GARIN1A: variants seen among roughly 807,000 people sequenced by gnomAD.
GARIN1A encodes golgi associated RAB2 interactor 1A.
At chr7:128,678,581 A>G in the GARIN1A span, among the ~76,000 whole-genome samples, 1 of 152,056 alleles carries the variant, frequency 6.6e-6, no homozygotes, top group Admixed American at 6.6e-5. Flanking sequence ...AGGCAGGTGG[A>G]TCACCTCAGG....
the GARIN1A span, among the ~76,000 whole-genome samples, chr7:128,695,400 G>T: frequency 6.6e-6 from 1 of 152,184 alleles, no homozygotes; most frequent in Non-Finnish European, 1.5e-5. This position sits in a 1 kb window ranked among gnomAD's most constrained non-coding sequence, Gnocchi z 4.5. Context: ...TAAATTCAGT[G>T]CACGTTAGAG....
chr7:128,707,250 G>GTGTA, the GARIN1A span, among the ~76,000 whole-genome samples: 2 of 145,102 alleles, frequency 1.4e-5, no homozygotes, highest in African/African-American at 5.1e-5. Context: ...GTGTGTGTGT[G>GTGTA]AAGAATGTTC....
chr7:128,674,299 A>AT, the GARIN1A span, among the ~76,000 whole-genome samples: 7 of 151,904 alleles, frequency 4.6e-5, no homozygotes, highest in South Asian at 4.2e-4. Context: ...TTAAAAAAAA[A>AT]TTTTTGATAG....
chr7:128,704,126 C>T, the GARIN1A span, among the ~76,000 whole-genome samples: 1 of 142,264 alleles, frequency 7.0e-6, no homozygotes, highest in Non-Finnish European at 1.5e-5. Context: ...GGCTAAAGAC[C>T]AAAAGAAGTG....
At chr7:128,696,187 ATAT>A in the GARIN1A span, among the ~76,000 whole-genome samples, 1 of 151,562 alleles carries the variant, frequency 6.6e-6, no homozygotes, top group East Asian at 1.9e-4. Flanking sequence ...ATTTTTAAAA[ATAT>A]TATTATTTGT....
At chr7:128,687,493 C>G in the GARIN1A span, 1 of 152,204 alleles carries the variant, frequency 6.6e-6, no homozygotes, top group African/African-American at 2.4e-5. Context: ...AATGCTGCAG[C>G]AAGCTAGGTG....
chr7:128,679,998 C>A, the GARIN1A span: 1 of 1,391,424 alleles, frequency 7.2e-7, no homozygotes, highest in Non-Finnish European at 9.9e-7. Flanking sequence ...TCTGAGCAGA[C>A]CTAGCCATCT....
At chr7:128,675,981 T>G in the GARIN1A span, 1 of 641,290 alleles carries the variant, frequency 1.6e-6, no homozygotes, top group Non-Finnish European at 2.7e-6. Context: ...CCTGTAGAAC[T>G]CATTCATTCA....
chr7:128,699,932 C>A, the GARIN1A span, among the ~76,000 whole-genome samples: 2 of 151,976 alleles, frequency 1.3e-5, no homozygotes, highest in Non-Finnish European at 2.9e-5. Flanking sequence ...GTGAATTGAA[C>A]GTTTTATCAT....
the GARIN1A span, among the ~76,000 whole-genome samples, chr7:128,681,130 G>C: frequency 6.6e-6 from 1 of 152,210 alleles, no homozygotes; most frequent in African/African-American, 2.4e-5. Context: ...TTCTGGGCAG[G>C]CCACATAGCA....
chr7:128,672,491 C>G, the GARIN1A span: 8 of 1,609,390 alleles, frequency 5.0e-6, no homozygotes, highest in African/African-American at 1.3e-5. Context: ...TCAACTGATT[C>G]ATTCTCCAGA....
At chr7:128,707,220 A>ATGTGTGTGTGTGTGTGTGTG in the GARIN1A span, among the ~76,000 whole-genome samples, 35 of 147,296 alleles carry the variant, frequency 2.4e-4, no homozygotes, top group African/African-American at 7.3e-4. Context: ...GTGTGTATGT[A>ATGTGTGTGTGTGTGTGTGTG]TGTGTGTGTG....
the GARIN1A span, among the ~76,000 whole-genome samples, chr7:128,695,009 C>T: frequency 6.6e-6 from 1 of 152,342 alleles, no homozygotes; most frequent in East Asian, 1.9e-4. The surrounding 1 kb of genome is among the most constrained non-coding windows in gnomAD (Gnocchi z 4.5). Flanking sequence ...GCTTTAAGGT[C>T]TATACCAGTC....
chr7:128,683,359 G>A, the GARIN1A span: 1 of 460,846 alleles, frequency 2.2e-6, no homozygotes, highest in South Asian at 4.7e-5. Flanking sequence ...TCCAGTTTGG[G>A]AAAGGACTGA....
At chr7:128,677,464 G>A in the GARIN1A span, 7 of 1,285,412 alleles carry the variant, frequency 5.4e-6, no homozygotes, top group Admixed American at 3.3e-5. Context: ...CCGAGATCGC[G>A]CCACTGCACT....
At chr7:128,677,881 GTATA>G in the GARIN1A span, 2 of 961,648 alleles carry the variant, frequency 2.1e-6, no homozygotes, top group South Asian at 2.3e-5. Context: ...AAGTGTCTGT[GTATA>G]TATATAGACT....
the GARIN1A span, among the ~76,000 whole-genome samples, chr7:128,702,608 A>G: frequency 6.6e-6 from 1 of 152,238 alleles, no homozygotes; most frequent in Non-Finnish European, 1.5e-5. Flanking sequence ...TAACCCCCCC[A>G]AAAGGCAGAA....
chr7:128,704,669 C>T, the GARIN1A span, among the ~76,000 whole-genome samples: 5 of 152,114 alleles, frequency 3.3e-5, no homozygotes, highest in South Asian at 2.1e-4. Context: ...AGGGTTCGCA[C>T]GCCTATGAGA....
chr7:128,674,305 G>A, the GARIN1A span, among the ~76,000 whole-genome samples: 6 of 152,160 alleles, frequency 3.9e-5, no homozygotes, highest in South Asian at 1.2e-3. Flanking sequence ...AAAAATTTTT[G>A]ATAGAGACAG....
Sources: allele counts gnomAD v4.1 joint callset (sites outside exome capture counted in the v4.1 genomes callset), GRCh38; gene constraint gnomAD v4.1.1; non-coding constraint Gnocchi (gnomAD v3.1); transcripts MANE v1.5; gene names NCBI Gene and HGNC (gene_info 2026-07-23, HGNC 2026-07-21).